The following DYRK1A variants were observed in gnomAD, a reference collection of about 807,000 sequenced individuals.
DYRK1A encodes dual specificity tyrosine phosphorylation regulated kinase 1A.
A neutral mutation model predicts 79.7 loss-of-function variants in DYRK1A; 9 were observed. That is an observed-to-expected ratio of 0.11 (90% CI 0.07 to 0.20). The LOEUF is 0.20. Ranked by LOEUF, DYRK1A falls within the 10% of genes least tolerant of loss-of-function variation. DYRK1A has a pLI of 1.00. For synonymous variants in DYRK1A, 349 were observed against 329.7 expected (o/e 1.06, Z -0.63); for missense variants, 622 against 956.0 (o/e 0.65, Z 4.61).
intron 1 of DYRK1A, among the ~76,000 whole-genome samples, chr21:37,389,312 C>T (rs1010293673): frequency 2.0e-5 from 3 of 151,658 alleles, no homozygotes; most frequent in Admixed American, 1.3e-4. Flanking sequence ...TATAGGCGTA[C>T]ACCACCATGC....
chr21:37,454,246 C>A (rs2051560445), intron 2 of DYRK1A, among the ~76,000 whole-genome samples: 1 of 152,014 alleles, frequency 6.6e-6, no homozygotes, highest in African/African-American at 2.4e-5. Context: ...GCGTGCGCTA[C>A]CATGCCTGGC....
rs2053452702 is a variant in DYRK1A, at chr21:37,501,556, T to G, written c.1213-3727T>G. 3.3e-5 allele frequency: 5 copies of G among 152,358 alleles called. No homozygotes were observed. The South Asian group carries it at 1.0e-3, about 32-fold the overall frequency. 9.4% of individuals were successfully genotyped at this position (152,358 alleles called of 1,614,324 possible). ...GTCATTAGAATTTTGTTACATAATT[T>G]CAAAATATTTGAGGATTTTCTAGAT... is the stretch of plus-strand genomic sequence containing the variant. On this transcript the variant is annotated intron_variant, in intron 9 of 11. Coordinates refer to ENST00000647188, the MANE Select transcript of DYRK1A (RefSeq NM_001347721.2).
intron 8 of DYRK1A, 122 bp from the exon 9 acceptor site, chr21:37,495,996 A>T: frequency 1.2e-6 from 1 of 859,512 alleles, no homozygotes; most frequent in Non-Finnish European, 1.8e-6. Flanking sequence ...TGTATGCTGG[A>T]TGTCTAGAGG....
At chr21:37,496,311 C>G (rs112546437) in intron 9 of DYRK1A, 53 bp downstream of exon 9, 10 of 1,548,054 alleles carry the variant, frequency 6.5e-6, no homozygotes, top group Non-Finnish European at 4.4e-6. Flanking sequence ...TTTATCATAC[C>G]TGTCTTTTTA....
rs1465463926 is a variant in DYRK1A at position 37,519,944 on chromosome 21, A to C, written c.*7413A>C. The stretch of plus-strand genomic sequence containing the variant: ...GTATTTTTAGTAGAGATGGGGTTTC[A>C]CCATGTTAGGCAGGATGGTCTCAGT... On this transcript the variant is annotated 3_prime_UTR_variant, in exon 12 of 12. Transcript: ENST00000647188. 6.6e-6 allele frequency: 1 copy of C among 151,932 alleles called. No individual in the cohort carries two copies. Among genetic ancestry groups the C allele is most frequent in the South Asian group, 2.1e-4 (1 of 4,818 alleles). The allele number at this position is 151,932 out of a possible 1,614,324, so 9.4% of individuals were successfully genotyped here. A position where few individuals can be genotyped will look rare whatever the true frequency, so the allele number is the denominator to read the frequency against.
chr21:37,367,237 G>A lies in DYRK1A; in HGVS notation c.-468G>A, dbSNP rs2049326130. 6.6e-6 allele frequency: 1 copy of A among 151,938 alleles called. No homozygotes were observed. Among genetic ancestry groups the A allele is most frequent in the Non-Finnish European group, 1.5e-5 (1 of 67,938 alleles). 9.4% of individuals were successfully genotyped at this position (151,938 alleles called of 1,614,324 possible). A position where few individuals can be genotyped will look rare whatever the true frequency, so the allele number is the denominator to read the frequency against. ...CGCCCGGGCCCCGGCGCTTCTCGCTGCGCAGGTTCGGAGCGCGCGCCATTT... is the reference window on the plus strand; with the variant it reads ...CGCCCGGGCCCCGGCGCTTCTCGCTACGCAGGTTCGGAGCGCGCGCCATTT... On this transcript the variant is annotated 5_prime_UTR_variant, in exon 1 of 12. Coordinates refer to ENST00000647188, the MANE Select transcript of DYRK1A (RefSeq NM_001347721.2).
rs1217997005 is a variant in DYRK1A at position 37,520,206 on chromosome 21, T to C, written c.*7675T>C. On this transcript the variant is annotated 3_prime_UTR_variant, in exon 12 of 12. Coordinates refer to ENST00000647188, the MANE Select transcript of DYRK1A (RefSeq NM_001347721.2). ...GTCATTAGACCCTTGTGATCACGCATCCAGGGGCCAGTCCCCACCCTTTGC... is the reference window on the plus strand; with the variant it reads ...GTCATTAGACCCTTGTGATCACGCACCCAGGGGCCAGTCCCCACCCTTTGC... 2 of 152,348 alleles carry C rather than the reference T, an allele frequency of 1.3e-5. No individual in the cohort carries two copies. The highest frequency in any genetic ancestry group is 3.9e-4 in the East Asian group (2 of 5,184). The allele number at this position is 152,348 out of a possible 1,614,324, so 9.4% of individuals were successfully genotyped here.
At chr21:37,508,375 C>T (rs1462681075) in intron 11 of DYRK1A, among the ~76,000 whole-genome samples, 1 of 152,192 alleles carries the variant, frequency 6.6e-6, no homozygotes, top group Non-Finnish European at 1.5e-5. Context: ...GCAACTTCCG[C>T]CTCCCTGGTT....
chr21:37,511,666 G>A (rs932855303), intron 11 of DYRK1A, among the ~76,000 whole-genome samples: 3 of 152,226 alleles, frequency 2.0e-5, no homozygotes, highest in Non-Finnish European at 4.4e-5. Flanking sequence ...ACAGTGGCTA[G>A]TGAAATAGAT....
At position 37,408,626 on chromosome 21, in the gene DYRK1A, C is replaced by T. The variant is rs558414881; in HGVS notation, c.-76-11673C>T. Among the ~76,000 whole-genome samples, 77 of 152,234 alleles carry T rather than the reference C, an allele frequency of 5.1e-4. 1 individual carries two copies. Among genetic ancestry groups the T allele is most frequent in the Middle Eastern group, 6.8e-3 (2 of 294 alleles). On this transcript the variant is annotated intron_variant, in intron 1 of 11. Coordinates refer to ENST00000647188, the MANE Select transcript of DYRK1A (RefSeq NM_001347721.2). ...TATAGCAAAAGTACTAGCTTTTGTGCCCTTTGCATTGGATTGAGTTATAGA... is the reference window on the plus strand; with the variant it reads ...TATAGCAAAAGTACTAGCTTTTGTGTCCTTTGCATTGGATTGAGTTATAGA...
intron 1 of DYRK1A, among the ~76,000 whole-genome samples, chr21:37,374,875 C>T (rs1471878082): frequency 6.6e-6 from 1 of 152,146 alleles, no homozygotes; most frequent in Non-Finnish European, 1.5e-5. Context: ...CTTAAGGACT[C>T]CAGGTAATCC....
chr21:37,441,677 A>G (rs2835742), intron 2 of DYRK1A, among the ~76,000 whole-genome samples: 24,908 of 151,958 alleles, frequency 0.16, 2,915 homozygotes, highest in African/African-American at 0.32. Flanking sequence ...TTTCTCTACT[A>G]CTGTCCTTTT....
chr21:37,453,919 AT>A (rs1409542076), intron 2 of DYRK1A, among the ~76,000 whole-genome samples: 1 of 152,014 alleles, frequency 6.6e-6, no homozygotes, highest in Non-Finnish European at 1.5e-5. Flanking sequence ...CTAAAAATTG[AT>A]TTACTGAATC....
At chr21:37,415,164 A>C (rs1363105094) in intron 1 of DYRK1A, among the ~76,000 whole-genome samples, 1 of 152,138 alleles carries the variant, frequency 6.6e-6, no homozygotes, top group Non-Finnish European at 1.5e-5. Context: ...TCTCAGAGAT[A>C]CTGAGTTGAT....
chr21:37,446,053 A>C (rs1259418092), intron 2 of DYRK1A, among the ~76,000 whole-genome samples: 1 of 152,184 alleles, frequency 6.6e-6, no homozygotes, highest in African/African-American at 2.4e-5. Flanking sequence ...ACGGTAAATC[A>C]GTGTTGCTAC....
rs1569409683 is a variant in DYRK1A at position 37,513,727 on chromosome 21, T to A, written c.*1196T>A. 1.3e-5 allele frequency: 2 copies of A among 152,656 alleles called. No homozygotes were observed. Among genetic ancestry groups the A allele is most frequent in the East Asian group, 1.9e-4 (1 of 5,198 alleles). 9.5% of individuals were successfully genotyped at this position (152,656 alleles called of 1,614,324 possible). A position where few individuals can be genotyped will look rare whatever the true frequency, so the allele number is the denominator to read the frequency against. ...GTCTTCTGTTCATCCTGAACATTTT[T>A]AAAAAATGCAGAATTTTATGTGACT... On this transcript the variant is annotated 3_prime_UTR_variant, in exon 12 of 12. Coordinates refer to ENST00000647188, the MANE Select transcript of DYRK1A (RefSeq NM_001347721.2).
intron 1 of DYRK1A, among the ~76,000 whole-genome samples, chr21:37,376,087 G>A (rs938315940): frequency 4.6e-5 from 7 of 152,254 alleles, no homozygotes; most frequent in African/African-American, 1.4e-4. Context: ...GTTCCACTGG[G>A]AGTGGTCAAA....
chr21:37,474,983 TAAATA>T (rs2052348208), intron 3 of DYRK1A, among the ~76,000 whole-genome samples: 1 of 152,202 alleles, frequency 6.6e-6, no homozygotes, highest in South Asian at 2.1e-4. Context: ...GAGGTAAATA[TAAATA>T]AAATGAAATA....
In DYRK1A at chr21:37,516,522, CCCTT is replaced by C. The variant is rs771697044; in HGVS notation, c.*3992_*3995del. ...AAGAAGATAGCTTATTTGTTATCCTCCCTTTTAATGACTAACCTTAATCCAAATG... is the reference window on the plus strand; with the variant it reads ...AAGAAGATAGCTTATTTGTTATCCTCTTAATGACTAACCTTAATCCAAATG... On this transcript the variant is annotated 3_prime_UTR_variant, in exon 12 of 12. Coordinates refer to ENST00000647188, the MANE Select transcript of DYRK1A (RefSeq NM_001347721.2). 3.3e-5 allele frequency: 5 copies of C among 152,226 alleles called. No homozygotes were observed. The highest frequency in any genetic ancestry group is 5.9e-5 in the Non-Finnish European group (4 of 68,052). 9.4% of individuals were successfully genotyped at this position (152,226 alleles called of 1,614,324 possible).
Sources: allele counts gnomAD v4.1 joint callset (sites outside exome capture counted in the v4.1 genomes callset), GRCh38; gene constraint gnomAD v4.1.1; transcripts MANE v1.5; gene names NCBI Gene and HGNC (gene_info 2026-07-23, HGNC 2026-07-21).